The following TMEM9 variants were observed in gnomAD, a reference collection of about 807,000 sequenced individuals.
The protein encoded by TMEM9 is transmembrane protein 9, also known as proton-transporting V-type ATPase complex assembly regulator TMEM9.
Under a neutral mutation model 22.8 loss-of-function variants are expected in TMEM9, and 13 were observed. The ratio of observed to expected loss-of-function variants is 0.57; its 90% CI spans 0.37 to 0.91. TMEM9 has a LOEUF of 0.91. Among genes scored for constraint, TMEM9 ranks in the 40% least tolerant of loss-of-function variants. TMEM9 has a pLI of 0.01. For missense variants in TMEM9, 182 were observed against 238.1 expected (o/e 0.76, Z 1.55); for synonymous variants, 88 against 93.0 (o/e 0.95, Z 0.31).
chr1:201,154,712 C>T (rs994302767), upstream of TMEM9, among the ~76,000 whole-genome samples: 2 of 152,216 alleles, frequency 1.3e-5, no homozygotes, highest in Admixed American at 6.5e-5. Context: ...GTGCTTCTCC[C>T]TTCCTTGTAT....
intron 1 of TMEM9, among the ~76,000 whole-genome samples, chr1:201,163,032 TC>T (rs1309791972): frequency 1.3e-5 from 2 of 152,198 alleles, no homozygotes; most frequent in African/African-American, 4.8e-5. Flanking sequence ...ATGCCTGTAA[TC>T]TTAGCACTTT....
chr1:201,159,194 A>G (rs1351566856), upstream of TMEM9, among the ~76,000 whole-genome samples: 1 of 152,248 alleles, frequency 6.6e-6, no homozygotes. Flanking sequence ...AGGGGCAGTA[A>G]TGTGGGGGTA....
chr1:201,148,629 G>A (rs761431718), intron 2 of TMEM9, among the ~76,000 whole-genome samples: 7 of 152,208 alleles, frequency 4.6e-5, no homozygotes, highest in Non-Finnish European at 1.0e-4. Context: ...GTCAAGCATA[G>A]CTCCCTTCTG....
intron 4 of TMEM9, among the ~76,000 whole-genome samples, chr1:201,140,178 T>C (rs1285719406): frequency 6.6e-6 from 1 of 152,208 alleles, no homozygotes; most frequent in African/African-American, 2.4e-5. Flanking sequence ...GATTTCCCTG[T>C]ATACTCTCTC....
At chr1:201,160,718 C>T (rs1272359287) in intron 1 of TMEM9, among the ~76,000 whole-genome samples, 4 of 151,936 alleles carry the variant, frequency 2.6e-5, no homozygotes, top group South Asian at 4.2e-4. Context: ...GGGCAGATCA[C>T]GAAGTCAGGA....
At chr1:201,158,720 C>T (rs530103777), upstream of TMEM9, among the ~76,000 whole-genome samples, 4 of 152,278 alleles carry the variant, frequency 2.6e-5, no homozygotes, top group African/African-American at 9.6e-5. Flanking sequence ...TGGAGCCTTC[C>T]ACTGCTTCCT....
intron 1 of TMEM9, among the ~76,000 whole-genome samples, chr1:201,169,706 T>C (rs1666167253): frequency 6.6e-6 from 1 of 152,168 alleles, no homozygotes; most frequent in Non-Finnish European, 1.5e-5. Context: ...ATTTTTTTTT[T>C]GGATGAGCAC....
chr1:201,151,574 C>T (rs1466200448), intron 2 of TMEM9, among the ~76,000 whole-genome samples, 187 bp downstream of exon 2: 2 of 152,212 alleles, frequency 1.3e-5, no homozygotes, highest in African/African-American at 4.8e-5. Context: ...AATTCAGACA[C>T]CTGGATCCTG....
At chr1:201,151,322 T>C (rs1050808828) in intron 2 of TMEM9, among the ~76,000 whole-genome samples, 1 of 152,248 alleles carries the variant, frequency 6.6e-6, no homozygotes, top group African/African-American at 2.4e-5. Flanking sequence ...TTTGGGCCTC[T>C]GTCTCTGCTA....
intron 4 of TMEM9, among the ~76,000 whole-genome samples, chr1:201,138,850 T>A (rs368758371): frequency 6.6e-6 from 1 of 152,338 alleles, no homozygotes; most frequent in African/African-American, 2.4e-5. Context: ...CATGTACGTA[T>A]ATCTCTTATC....
At chr1:201,144,057 T>C in intron 3 of TMEM9, 106 bp from the exon 4 acceptor site, 2 of 1,323,228 alleles carry the variant, frequency 1.5e-6, no homozygotes, top group Non-Finnish European at 2.1e-6. Context: ...ACTCCTCAAG[T>C]GGTGCACTAA....
At position 201,146,925 on chromosome 1, in the gene TMEM9, C is replaced by T. The variant is rs1665028415; in HGVS notation, c.159-77G>A. On this transcript the variant is annotated intron_variant, in intron 2 of 4. Transcript: ENST00000367330. The stretch of plus-strand genomic sequence containing the variant: ...CCTCAAGACCAGAGAAGCAGGTAGC[C>T]AGGGGAGCTGAGAGGTAGGGGCTAG... 3 of 1,401,940 alleles carry T rather than the reference C, an allele frequency of 2.1e-6. No individual in the cohort carries two copies. The East Asian group carries it at 7.0e-5, about 33-fold the overall frequency. 86.8% of individuals were successfully genotyped at this position (1,401,940 alleles called of 1,614,324 possible). A position where few individuals can be genotyped will look rare whatever the true frequency, so the allele number is the denominator to read the frequency against.
intron 1 of TMEM9, among the ~76,000 whole-genome samples, chr1:201,166,112 A>G (rs373386856): frequency 1.6e-3 from 242 of 152,176 alleles, no homozygotes; most frequent in South Asian, 2.9e-3. Context: ...ATCCTATAAA[A>G]TCCCCGGCAA....
At chr1:201,153,085 C>A (rs1665556028) in intron 1 of TMEM9, among the ~76,000 whole-genome samples, 1 of 152,184 alleles carries the variant, frequency 6.6e-6, no homozygotes, top group Non-Finnish European at 1.5e-5. Context: ...AGCATCACAG[C>A]AGGAGACAGA....
In TMEM9 at chr1:201,135,727, C is replaced by A. The variant is rs201591838; in HGVS notation, c.488G>T (p.Arg163Leu). 1 of 1,613,934 alleles carries A rather than the reference C, an allele frequency of 6.2e-7. No individual in the cohort carries two copies. The highest frequency in any genetic ancestry group is 8.5e-7 in the Non-Finnish European group (1 of 1,179,916). The change falls in exon 5 of 5, where the codon CGG (arginine) becomes CTG (leucine). Residue 163 changes from arginine to leucine, a missense_variant. Arg to Leu is a moderately radical substitution (Grantham distance 102, BLOSUM62 -2). Coordinates refer to ENST00000367330, the MANE Select transcript of TMEM9 (RefSeq NM_001288565.2). ...VLERVEGAQQ[R>L]WKLQVQEQRK... ...CTGCTCCTGCACCTGCAGCTTCCAC[C>A]GCTGCTGGGCACCTTCCACACGCTC...
At chr1:201,139,950 G>A (rs541626718) in intron 4 of TMEM9, among the ~76,000 whole-genome samples, 64 of 152,200 alleles carry the variant, frequency 4.2e-4, no homozygotes, top group Non-Finnish European at 7.3e-4. Flanking sequence ...CTGTTGAACC[G>A]CACATCTTTC....
At chr1:201,161,701 C>G (rs948652608) in intron 1 of TMEM9, among the ~76,000 whole-genome samples, 1 of 152,120 alleles carries the variant, frequency 6.6e-6, no homozygotes, top group Non-Finnish European at 1.5e-5. Context: ...TAGTGTTTCC[C>G]CACAGTTTTG....
At chr1:201,169,144 A>G (rs2102298709) in intron 1 of TMEM9, among the ~76,000 whole-genome samples, 1 of 151,800 alleles carries the variant, frequency 6.6e-6, no homozygotes, top group African/African-American at 2.4e-5. Context: ...GTGTGTAGGT[A>G]TAGAGGTGGG....
At chr1:201,147,220 T>C (rs189333455) in intron 2 of TMEM9, among the ~76,000 whole-genome samples, 13 of 152,218 alleles carry the variant, frequency 8.5e-5, no homozygotes, top group Non-Finnish European at 1.8e-4. Context: ...GATCAGAATC[T>C]CCAGCCAGGG....
Sources: allele counts gnomAD v4.1 joint callset (sites outside exome capture counted in the v4.1 genomes callset), GRCh38; gene constraint gnomAD v4.1.1; transcripts MANE v1.5; gene names NCBI Gene and HGNC (gene_info 2026-07-23, HGNC 2026-07-21).